Variants in AK5 observed in about 807,000 individuals in gnomAD.
AK5 encodes the protein adenylate kinase 5, also known as adenylate kinase isoenzyme 5.
A neutral mutation model predicts 69.5 loss-of-function variants in AK5; 27 were observed. That is an observed-to-expected ratio of 0.39 (90% CI 0.29 to 0.54). The LOEUF (loss-of-function observed/expected upper bound fraction) is 0.54, where lower values mean the gene tolerates loss of function less well. AK5 is among the 20% of genes least tolerant of loss of function. The probability of loss-of-function intolerance (pLI) is 0.71; values close to 1 mark genes in which losing one functional copy is unlikely to be tolerated. For synonymous variants in AK5, 260 were observed against 244.4 expected (o/e 1.06, Z -0.60); for missense variants, 531 against 700.4 (o/e 0.76, Z 2.73).
At chr1:77,443,898 CAT>C (rs1433372651) in intron 8 of AK5, among the ~76,000 whole-genome samples, 2 of 151,628 alleles carry the variant, frequency 1.3e-5, no homozygotes, top group Non-Finnish European at 2.9e-5. Flanking sequence ...CAGATTGACA[CAT>C]ATGTCATCTC....
At position 77,542,837 on chromosome 1, in the gene AK5, A is replaced by G. The variant is rs192495905; in HGVS notation, c.1620+6799A>G. On this transcript the variant is annotated intron_variant, in intron 13 of 13. Coordinates refer to ENST00000354567, the MANE Select transcript of AK5 (RefSeq NM_174858.3). Reference sequence around the variant, plus strand: ...TTCATGGCATAATTAGCCCAGAAACACCCCAGGCCATAGATGAAGAGGGCC... The same window carrying G: ...TTCATGGCATAATTAGCCCAGAAACGCCCCAGGCCATAGATGAAGAGGGCC... Among the ~76,000 whole-genome samples, 7 of 152,100 alleles carry G rather than the reference A, an allele frequency of 4.6e-5. No individual in the cohort carries two copies. The East Asian group carries it at 1.4e-3, about 29-fold the overall frequency.
chr1:77,357,055 C>G (rs2602934), intron 6 of AK5, among the ~76,000 whole-genome samples: 24,798 of 152,136 alleles, frequency 0.16, 2,584 homozygotes, highest in Non-Finnish European at 0.22. Flanking sequence ...TTTCCCTTCT[C>G]TCTCTTTGAG....
chr1:77,287,460 G>A (rs959125467), intron 2 of AK5, among the ~76,000 whole-genome samples: 1 of 152,146 alleles, frequency 6.6e-6, no homozygotes, highest in Non-Finnish European at 1.5e-5. Context: ...AATAGAATAC[G>A]GGTATAATTG....
chr1:77,522,382 G>A (rs1012372479), intron 12 of AK5, among the ~76,000 whole-genome samples: 3 of 152,150 alleles, frequency 2.0e-5, no homozygotes, highest in South Asian at 2.1e-4. Flanking sequence ...TACTGAGGCC[G>A]AGAGGGAAGA....
At chr1:77,350,447 G>A (rs184596086) in intron 6 of AK5, among the ~76,000 whole-genome samples, 18 of 152,346 alleles carry the variant, frequency 1.2e-4, no homozygotes, top group Admixed American at 4.6e-4. Flanking sequence ...TAAGGAGGAA[G>A]GGTTTTTCTG....
At chr1:77,366,192 A>T (rs1646947141) in intron 6 of AK5, among the ~76,000 whole-genome samples, 1 of 152,196 alleles carries the variant, frequency 6.6e-6, no homozygotes, top group Non-Finnish European at 1.5e-5. Flanking sequence ...ACAGAAAAAA[A>T]CAAGTTTTAT....
At chr1:77,312,383 G>C (rs1250613808) in intron 5 of AK5, among the ~76,000 whole-genome samples, 1 of 152,114 alleles carries the variant, frequency 6.6e-6, no homozygotes, top group Non-Finnish European at 1.5e-5. Context: ...GGGAGGCCGA[G>C]GCAGGTGGAT....
chr1:77,440,227 C>T (rs1160699796), intron 8 of AK5, among the ~76,000 whole-genome samples: 1 of 152,156 alleles, frequency 6.6e-6, no homozygotes, highest in East Asian at 1.9e-4. Context: ...TCCCTCATTT[C>T]TGAAGGGTAG....
At chr1:77,327,601 T>G (rs1660871724) in intron 5 of AK5, among the ~76,000 whole-genome samples, 1 of 152,182 alleles carries the variant, frequency 6.6e-6, no homozygotes, top group Non-Finnish European at 1.5e-5. Flanking sequence ...GAGGAATCCA[T>G]AAACTGATCA....
chr1:77,324,354 TCTTA>T (rs1660688414), intron 5 of AK5, among the ~76,000 whole-genome samples: 1 of 148,040 alleles, frequency 6.8e-6, no homozygotes, highest in Non-Finnish European at 1.5e-5. Flanking sequence ...TGTGTGTGTG[TCTTA>T]CTCATGGCTA....
chr1:77,477,745 A>G (rs74090603), intron 8 of AK5, among the ~76,000 whole-genome samples: 7,121 of 152,186 alleles, frequency 0.047, 338 homozygotes, highest in East Asian at 0.19. Context: ...TGAATTTTAG[A>G]GCAAGAAATT....
intron 6 of AK5, among the ~76,000 whole-genome samples, chr1:77,391,418 T>TACACACATATACATATATACACACAC (rs1648427728): frequency 7.6e-6 from 1 of 131,314 alleles, no homozygotes; most frequent in Non-Finnish European, 1.6e-5. Flanking sequence ...CACACATATA[T>TACACACATATACATATATACACACAC]ATGTATATAT....
chr1:77,512,007 T>G (rs892295025), intron 10 of AK5, among the ~76,000 whole-genome samples: 1 of 152,140 alleles, frequency 6.6e-6, no homozygotes, highest in Non-Finnish European at 1.5e-5. Flanking sequence ...CAGCTAGAGC[T>G]GCAGGGGGCT....
intron 8 of AK5, among the ~76,000 whole-genome samples, chr1:77,461,769 C>CAA (rs960152262): frequency 3.6e-5 from 3 of 83,944 alleles, no homozygotes; most frequent in Admixed American, 1.3e-4. Flanking sequence ...GACTCTGTCT[C>CAA]AAAAAAAAAA....
intron 6 of AK5, among the ~76,000 whole-genome samples, chr1:77,364,656 C>T (rs993496815): frequency 6.6e-6 from 1 of 152,178 alleles, no homozygotes; most frequent in African/African-American, 2.4e-5. Flanking sequence ...TTTTACTTAA[C>T]ATAACGTCCT....
At chr1:77,307,541 G>C (rs1402725811) in intron 5 of AK5, among the ~76,000 whole-genome samples, 1 of 152,064 alleles carries the variant, frequency 6.6e-6, no homozygotes, top group African/African-American at 2.4e-5. Context: ...CTGTCCTTGA[G>C]AATGATCCAT....
At chr1:77,534,838 C>T (rs193017436) in intron 12 of AK5, among the ~76,000 whole-genome samples, 5 of 152,176 alleles carry the variant, frequency 3.3e-5, no homozygotes, top group Admixed American at 2.0e-4. Context: ...CCATCTCTTA[C>T]AAAAGAAAAG....
At chr1:77,417,820 A>G in intron 8 of AK5, 105 bp downstream of exon 8, 1 of 667,746 alleles carries the variant, frequency 1.5e-6, no homozygotes, top group Non-Finnish European at 2.5e-6. Context: ...TGTGAAATAT[A>G]TACAGATAAC....
intron 8 of AK5, among the ~76,000 whole-genome samples, chr1:77,475,348 AC>A (rs1381486352): frequency 1.6e-5 from 2 of 125,456 alleles, no homozygotes; most frequent in Non-Finnish European, 1.6e-5. Context: ...GTATATATAT[AC>A]ATATATATTA....
Sources: gnomAD v4.1 joint callset for allele counts (sites outside exome capture counted in the v4.1 genomes callset) on GRCh38, gnomAD v4.1.1 for gene constraint, MANE v1.5 for transcripts, NCBI Gene and HGNC (gene_info 2026-07-23, HGNC 2026-07-21) for gene names.